The following OTUD1 variants were observed in gnomAD, a reference collection of about 807,000 sequenced individuals.
OTUD1 encodes OTU domain-containing protein 1.
A neutral mutation model predicts 30.0 loss-of-function variants in OTUD1; 15 were observed. The observed-to-expected ratio is 0.50, with a 90% CI of 0.33 to 0.77. The LOEUF (loss-of-function observed/expected upper bound fraction) is 0.77, where lower values mean the gene tolerates loss of function less well. Ranked by LOEUF, OTUD1 falls within the 30% of genes least tolerant of loss-of-function variation. The pLI is 0.02. For synonymous variants in OTUD1, 381 were observed against 326.3 expected, an observed-to-expected ratio of 1.17 and a Z score of -1.81; for missense variants, 796 against 697.8, an observed-to-expected ratio of 1.14 and a Z score of -1.59.
At position 23,439,102 on chromosome 10, in the gene OTUD1, C is replaced by A. The variant is rs1476006143; in HGVS notation, c.-356C>A. ...CCGCGCGCACCGCGCTCCTCCTCGC[C>A]GGCGGGACGCGCTCCAACGGGGCGG... On this transcript the variant is annotated 5_prime_UTR_variant, in exon 1 of 1. Coordinates refer to ENST00000376495, the MANE Select transcript of OTUD1 (RefSeq NM_001145373.3). 1.3e-5 allele frequency among the ~76,000 whole-genome samples: 2 copies of A among 150,666 alleles called. No homozygotes were observed. The highest frequency in any genetic ancestry group is 6.6e-5 in the Admixed American group (1 of 15,126).
At position 23,441,423 on chromosome 10, in the gene OTUD1, T is replaced by C. The variant is rs568776506; in HGVS notation, c.*520T>C. The C allele has an allele frequency of 5.9e-6, 1 of 168,224 alleles. No individual in the cohort carries two copies. Among genetic ancestry groups the C allele is most frequent in the East Asian group, 1.9e-4 (1 of 5,210 alleles). 10.4% of individuals were successfully genotyped at this position (168,224 alleles called of 1,614,324 possible). A position where few individuals can be genotyped will look rare whatever the true frequency, so the allele number is the denominator to read the frequency against. ...TTAGATAATTATTTCAAATGGATAT[T>C]GATGCATTCTTGTTACCAGATGTTT... is the stretch of plus-strand genomic sequence containing the variant. On this transcript the variant is annotated 3_prime_UTR_variant, in exon 1 of 1. Transcript: ENST00000376495.
chr10:23,440,094 AC>A lies in OTUD1; in HGVS notation c.641del (p.Pro214ArgfsTer65). ...CGCCAAGCACCGAGGCCCCGCGGCGACCCCGGGGAGCCCCGATCCCGGCCCC... is the reference window on the plus strand; with the variant it reads ...CGCCAAGCACCGAGGCCCCGCGGCGACCCGGGGAGCCCCGATCCCGGCCCC... The part of the protein sequence containing the change: ...AAAKHRGPAA[T>X]PGSPDPGPGP... On this transcript the variant is annotated frameshift_variant, in exon 1 of 1. Coordinates refer to ENST00000376495, the MANE Select transcript of OTUD1 (RefSeq NM_001145373.3). LOFTEE classifies it high-confidence loss of function. The A allele has an allele frequency of 1.4e-6, 2 of 1,431,998 alleles. No homozygotes were observed. Among genetic ancestry groups the A allele is most frequent in the Non-Finnish European group, 1.8e-6 (2 of 1,100,998 alleles). The allele number at this position is 1,431,998 out of a possible 1,614,324, so 88.7% of individuals were successfully genotyped here. A position where few individuals can be genotyped will look rare whatever the true frequency, so the allele number is the denominator to read the frequency against.
In OTUD1 at chr10:23,439,713, G is replaced by A; in HGVS notation, c.256G>A (p.Ala86Thr). 3 of 1,189,570 alleles carry A rather than the reference G, an allele frequency of 2.5e-6. No homozygotes were observed. The highest frequency in any genetic ancestry group is 4.6e-5 in the Admixed American group (1 of 21,830). The allele number at this position is 1,189,570 out of a possible 1,614,324, so 73.7% of individuals were successfully genotyped here. ...SSCFEVVSGAAAPASAAAGPP... is the reference protein window; with the variant it reads ...SSCFEVVSGATAPASAAAGPP... The stretch of plus-strand genomic sequence containing the variant: ...CTGCTTCGAGGTGGTGTCCGGGGCC[G>A]CCGCGCCCGCCTCCGCCGCCGCCGG... Residue 86 changes from alanine to threonine, a missense_variant, in exon 1 of 1, where the codon GCC (alanine) becomes ACC (threonine). Coordinates refer to ENST00000376495, the MANE Select transcript of OTUD1 (RefSeq NM_001145373.3).
In OTUD1 at chr10:23,441,202, G is replaced by A. The variant is rs1847123828; in HGVS notation, c.*299G>A. On this transcript the variant is annotated 3_prime_UTR_variant, in exon 1 of 1. Transcript: ENST00000376495. ...AGTGTAAATTTGTTCATTCCTGGTA[G>A]TCTATTTTCTATAAAAATGTATTTT... 1 of 324,780 alleles carries A rather than the reference G, an allele frequency of 3.1e-6. No homozygotes were observed. Among genetic ancestry groups the A allele is most frequent in the Non-Finnish European group, 6.0e-6 (1 of 167,908 alleles). The allele number at this position is 324,780 out of a possible 1,614,324, so 20.1% of individuals were successfully genotyped here.
In OTUD1 at chr10:23,439,249, C is replaced by T. The variant is rs1847098237; in HGVS notation, c.-209C>T. 6.6e-6 allele frequency among the ~76,000 whole-genome samples: 1 copy of T among 151,386 alleles called. No individual in the cohort carries two copies. Among genetic ancestry groups the T allele is most frequent in the Non-Finnish European group, 1.5e-5 (1 of 67,768 alleles). ...GTCGAGCTCGCGTCCCGTCCCCGCC[C>T]CCCTGCGCTGTGGCGCAGCAGGAAT... On this transcript the variant is annotated 5_prime_UTR_variant, in exon 1 of 1. Transcript: ENST00000376495.
At position 23,439,365 on chromosome 10, in the gene OTUD1, G is replaced by C; in HGVS notation, c.-93G>C. ...TCTATTCTGGGGCCGTTGGGTCACC[G>C]CGCTCCGCCGGCCCCCTCCCCCGGG... On this transcript the variant is annotated 5_prime_UTR_variant, in exon 1 of 1. Coordinates refer to ENST00000376495, the MANE Select transcript of OTUD1 (RefSeq NM_001145373.3). 9.0e-7 allele frequency: 1 copy of C among 1,111,904 alleles called. No homozygotes were observed. The highest frequency in any genetic ancestry group is 1.1e-6 in the Non-Finnish European group (1 of 885,136). The allele number at this position is 1,111,904 out of a possible 1,614,324, so 68.9% of individuals were successfully genotyped here.
In OTUD1 at chr10:23,440,917, C is replaced by T. The variant is rs1157414974; in HGVS notation, c.*14C>T. On this transcript the variant is annotated 3_prime_UTR_variant, in exon 1 of 1. Coordinates refer to ENST00000376495, the MANE Select transcript of OTUD1 (RefSeq NM_001145373.3). ...GCATGCTCTTGAAATGTCTCAAAAC[C>T]TTACACCCTGGGAATAATTGCATAT... is the stretch of plus-strand genomic sequence containing the variant. The T allele has an allele frequency of 1.3e-6, 2 of 1,541,718 alleles. No homozygotes were observed. Among genetic ancestry groups the T allele is most frequent in the Non-Finnish European group, 1.8e-6 (2 of 1,142,062 alleles).
At position 23,440,665 on chromosome 10, in the gene OTUD1, C is replaced by T; in HGVS notation, c.1208C>T (p.Pro403Leu). The change falls in exon 1 of 1, where the codon CCC (proline) becomes CTC (leucine). Residue 403 changes from proline to leucine, a missense_variant. Transcript: ENST00000376495. ...HLTTGGRLES[P>L]TVSTMIHYLG... ...ACTACTGGAGGGAGGCTGGAGAGTC[C>T]CACGGTGTCTACCATGATTCATTAT... 3 of 1,551,738 alleles carry T rather than the reference C, an allele frequency of 1.9e-6. No individual in the cohort carries two copies. The South Asian group carries it at 3.6e-5, about 18-fold the overall frequency.
chr10:23,439,754 C>T lies in OTUD1; in HGVS notation c.297C>T (p.Ser99=), dbSNP rs1453383759. 8.6e-6 allele frequency: 10 copies of T among 1,161,148 alleles called. No homozygotes were observed. The South Asian group carries it at 2.0e-4, about 23-fold the overall frequency. The allele number at this position is 1,161,148 out of a possible 1,614,324, so 71.9% of individuals were successfully genotyped here. Residue 99 remains serine (S), a synonymous_variant, in exon 1 of 1, where the codon TCC becomes TCT. Coordinates refer to ENST00000376495, the MANE Select transcript of OTUD1 (RefSeq NM_001145373.3). ...CCGCCGCCGGCCCGCCCGGCGCGTCCTGCAAGCCGCCGCTGCCGCCGCACT... is the reference window on the plus strand; with the variant it reads ...CCGCCGCCGGCCCGCCCGGCGCGTCTTGCAAGCCGCCGCTGCCGCCGCACT... ...ASAAAGPPGA[S]CKPPLPPHYT... is the part of the protein sequence containing the mutation.
Position 23,440,570 on chromosome 10 carries a change from A to C in OTUD1, c.1113A>C (p.Gln371His). 2 of 1,551,720 alleles carry C rather than the reference A, an allele frequency of 1.3e-6. No homozygotes were observed. Among genetic ancestry groups the C allele is most frequent in the Non-Finnish European group, 1.7e-6 (2 of 1,147,006 alleles). ...DVGEFIIAAA[Q>H]DGAWAGYPEL... ...GGGAGTTTATCATCGCTGCTGCCCA[A>C]GACGGGGCATGGGCCGGGTACCCGG... The change falls in exon 1 of 1, where the codon CAA becomes CAC. Residue 371 changes from glutamine (Q) to histidine (H), a missense_variant. Gln to His is a conservative substitution (Grantham distance 24). Transcript: ENST00000376495.
rs1847130579 is a variant in OTUD1 at position 23,441,649 on chromosome 10, T to C, written c.*746T>C. On this transcript the variant is annotated 3_prime_UTR_variant, in exon 1 of 1. Transcript: ENST00000376495. ...ACTTGAATGAAAGTCTGATATTTGC[T>C]GATGGCAGAATGATTATTCTGTACC... The C allele has an allele frequency of 6.0e-6, 1 of 167,068 alleles. No homozygotes were observed. The highest frequency in any genetic ancestry group is 1.5e-5 in the Non-Finnish European group (1 of 68,128). 10.3% of individuals were successfully genotyped at this position (167,068 alleles called of 1,614,324 possible).
Position 23,441,247 on chromosome 10 carries a change from C to CT in OTUD1, c.*345dup. 1 of 242,042 alleles carries CT rather than the reference C, an allele frequency of 4.1e-6. No homozygotes were observed. The highest frequency in any genetic ancestry group is 1.0e-4 in the East Asian group (1 of 9,614). The allele number at this position is 242,042 out of a possible 1,614,324, so 15.0% of individuals were successfully genotyped here. A position where few individuals can be genotyped will look rare whatever the true frequency, so the allele number is the denominator to read the frequency against. On this transcript the variant is annotated 3_prime_UTR_variant, in exon 1 of 1. Coordinates refer to ENST00000376495, the MANE Select transcript of OTUD1 (RefSeq NM_001145373.3). ...TATTTTTGCACAACATTTTTAAAAA[C>CT]TGGTGTACCTTCATCTATGACGTGT...
rs1847126508 is a variant in OTUD1, at chr10:23,441,349, T to G, written c.*446T>G. ...GAAATGTATTATTTTGAACAGAGTT[T>G]GTGATTTGGTAGTTATTTTATGTTG... On this transcript the variant is annotated 3_prime_UTR_variant, in exon 1 of 1. Coordinates refer to ENST00000376495, the MANE Select transcript of OTUD1 (RefSeq NM_001145373.3). 1 of 170,542 alleles carries G rather than the reference T, an allele frequency of 5.9e-6. No homozygotes were observed. The highest frequency in any genetic ancestry group is 2.4e-5 in the African/African-American group (1 of 41,518). 10.6% of individuals were successfully genotyped at this position (170,542 alleles called of 1,614,324 possible). A position where few individuals can be genotyped will look rare whatever the true frequency, so the allele number is the denominator to read the frequency against.
rs1287305769 is a variant in OTUD1, at chr10:23,439,759, A to AGCCGCCGCT, written c.311_319dup (p.Leu104_Pro106dup). 2 of 1,158,004 alleles carry AGCCGCCGCT rather than the reference A, an allele frequency of 1.7e-6. No individual in the cohort carries two copies. Among genetic ancestry groups the AGCCGCCGCT allele is most frequent in the Non-Finnish European group, 1.1e-6 (1 of 944,130 alleles). The allele number at this position is 1,158,004 out of a possible 1,614,324, so 71.7% of individuals were successfully genotyped here. A position where few individuals can be genotyped will look rare whatever the true frequency, so the allele number is the denominator to read the frequency against. ...GCCGGCCCGCCCGGCGCGTCCTGCA[A>AGCCGCCGCT]GCCGCCGCTGCCGCCGCACTACACG... is the stretch of plus-strand genomic sequence containing the variant. On this transcript the variant is annotated inframe_insertion, in exon 1 of 1. Transcript: ENST00000376495.
In OTUD1 at chr10:23,439,549, C is replaced by T. The variant is rs1256569191; in HGVS notation, c.92C>T (p.Pro31Leu). Residue 31 changes from proline (P) to leucine (L), a missense_variant, in exon 1 of 1, where the codon CCC (proline) becomes CTC (leucine). Coordinates refer to ENST00000376495, the MANE Select transcript of OTUD1 (RefSeq NM_001145373.3). ...CCCGCGCCACCCGCCGCCGCTACCC[C>T]CTTCAAGGTCTCGCTGCAGCCCCCG... ...AAPAPPAAAT[P>L]FKVSLQPPGA... 2 of 1,387,828 alleles carry T rather than the reference C, an allele frequency of 1.4e-6. No homozygotes were observed. The highest frequency in any genetic ancestry group is 3.2e-5 in the East Asian group (1 of 30,968). 86.0% of individuals were successfully genotyped at this position (1,387,828 alleles called of 1,614,324 possible). A position where few individuals can be genotyped will look rare whatever the true frequency, so the allele number is the denominator to read the frequency against.
chr10:23,440,433 A>G lies in OTUD1; in HGVS notation c.976A>G (p.Ser326Gly), dbSNP rs139969083. 1.3e-6 allele frequency: 2 copies of G among 1,551,724 alleles called. No homozygotes were observed. The highest frequency in any genetic ancestry group is 8.7e-7 in the Non-Finnish European group (1 of 1,146,998). ...PDGNCLYRAV[S>G]KTVYGDQSLH... Reference sequence around the variant, plus strand: ...CGGCAACTGCCTCTACCGAGCTGTCAGCAAGACGGTGTATGGGGACCAGAG... The same window carrying G: ...CGGCAACTGCCTCTACCGAGCTGTCGGCAAGACGGTGTATGGGGACCAGAG... The change falls in exon 1 of 1, where the codon AGC becomes GGC. Residue 326 changes from serine to glycine, a missense_variant. Physicochemically the swap from Ser to Gly is moderately conservative, Grantham distance 56 (BLOSUM62 0). Transcript: ENST00000376495.
Position 23,439,332 on chromosome 10 carries a change from C to A in OTUD1, c.-126C>A. ...TGACTCGCGGCGGCCGGCTGCCTTT[C>A]GCTCATCTCTATTCTGGGGCCGTTG... On this transcript the variant is annotated 5_prime_UTR_variant, in exon 1 of 1. Transcript: ENST00000376495. 4.7e-6 allele frequency: 4 copies of A among 853,082 alleles called. No homozygotes were observed. The highest frequency in any genetic ancestry group is 4.6e-6 in the Non-Finnish European group (3 of 652,880). The allele number at this position is 853,082 out of a possible 1,614,324, so 52.8% of individuals were successfully genotyped here. A position where few individuals can be genotyped will look rare whatever the true frequency, so the allele number is the denominator to read the frequency against.
In OTUD1 at chr10:23,440,105, C is replaced by T. The variant is rs1401720800; in HGVS notation, c.648C>T (p.Ser216=). The T allele has an allele frequency of 3.5e-6, 5 of 1,429,360 alleles. No homozygotes were observed. Among genetic ancestry groups the T allele is most frequent in the Admixed American group, 6.2e-5 (2 of 32,248 alleles). 88.5% of individuals were successfully genotyped at this position (1,429,360 alleles called of 1,614,324 possible). Residue 216 remains serine, a synonymous_variant, in exon 1 of 1, where the codon AGC becomes AGT. Coordinates refer to ENST00000376495, the MANE Select transcript of OTUD1 (RefSeq NM_001145373.3). ...GAGGCCCCGCGGCGACCCCGGGGAG[C>T]CCCGATCCCGGCCCCGGTCCGTGGG... ...KHRGPAATPG[S]PDPGPGPWGE...
In OTUD1 at chr10:23,439,737, GGCC is replaced by G; in HGVS notation, c.281_283del (p.Gly94_Pro95delinsAla). ...CGCCGCGCCCGCCTCCGCCGCCGCC[GGCC>G]CGCCCGGCGCGTCCTGCAAGCCGCC... On this transcript the variant is annotated inframe_deletion, in exon 1 of 1. Transcript: ENST00000376495. 8.6e-7 allele frequency: 1 copy of G among 1,167,976 alleles called. No homozygotes were observed. Among genetic ancestry groups the G allele is most frequent in the Admixed American group, 4.7e-5 (1 of 21,276 alleles). 72.4% of individuals were successfully genotyped at this position (1,167,976 alleles called of 1,614,324 possible). A position where few individuals can be genotyped will look rare whatever the true frequency, so the allele number is the denominator to read the frequency against.
Sources: allele counts gnomAD v4.1 joint callset (sites outside exome capture counted in the v4.1 genomes callset), GRCh38; gene constraint gnomAD v4.1.1; transcripts MANE v1.5; gene names NCBI Gene and HGNC (gene_info 2026-07-23, HGNC 2026-07-21).